The following MACROD2 variants were observed in gnomAD, a reference collection of about 807,000 sequenced individuals.
The protein encoded by MACROD2 is mono-ADP ribosylhydrolase 2.
Under a neutral mutation model 70.4 loss-of-function variants are expected in MACROD2, and 36 were observed. That is an observed-to-expected ratio of 0.51 (90% confidence interval 0.39 to 0.68). The LOEUF is 0.68. Ranked by LOEUF, MACROD2 falls within the 30% of genes least tolerant of loss-of-function variation. MACROD2 has a pLI of 0.00. For synonymous variants in MACROD2, 172 were observed against 178.8 expected, an observed-to-expected ratio of 0.96 and a Z score of 0.30; for missense variants, 496 against 538.4, an observed-to-expected ratio of 0.92 and a Z score of 0.78.
At chr20:15,987,266 G>T in intron 15 of MACROD2, 108 bp downstream of exon 15, 1 of 884,286 alleles carries the variant, frequency 1.1e-6, no homozygotes, top group Non-Finnish European at 1.7e-6. Flanking sequence ...TTGTAAAGGG[G>T]GAAAACGAAC....
At chr20:15,153,088 A>T (rs1568604523) in intron 5 of MACROD2, among the ~76,000 whole-genome samples, 1 of 152,090 alleles carries the variant, frequency 6.6e-6, no homozygotes, top group African/African-American at 2.4e-5. Context: ...TGGAGCAAAG[A>T]GCAGGAGGAC....
intron 5 of MACROD2, among the ~76,000 whole-genome samples, chr20:15,099,143 C>T (rs1051100981): frequency 6.6e-6 from 1 of 152,054 alleles, no homozygotes; most frequent in Non-Finnish European, 1.5e-5. Flanking sequence ...GCTTAGAAGC[C>T]CCAAACATTG....
intron 5 of MACROD2, among the ~76,000 whole-genome samples, chr20:15,219,657 G>A (rs1196195929): frequency 1.3e-5 from 2 of 152,142 alleles, no homozygotes; most frequent in Admixed American, 1.3e-4. Context: ...GAGTGAAGAC[G>A]TAGAGCCTAG....
intron 9 of MACROD2, among the ~76,000 whole-genome samples, chr20:15,870,928 C>T (rs566418895): frequency 3.1e-4 from 47 of 152,146 alleles, no homozygotes; most frequent in African/African-American, 1.1e-3. Context: ...CCTGCAATCC[C>T]AGCACTTTGG....
At chr20:15,752,028 A>G (rs1378661592) in intron 8 of MACROD2, among the ~76,000 whole-genome samples, 1 of 151,986 alleles carries the variant, frequency 6.6e-6, no homozygotes, top group African/African-American at 2.4e-5. Context: ...ACTCGGACTG[A>G]CATCTTTAAC....
chr20:15,197,005 G>A (rs1409849698), intron 5 of MACROD2: 1 of 985,376 alleles, frequency 1.0e-6, no homozygotes, highest in Non-Finnish European at 1.2e-6. Flanking sequence ...CAACACTCAG[G>A]AAGGTCGCAT....
intron 5 of MACROD2, among the ~76,000 whole-genome samples, chr20:15,052,787 GT>G (rs1398409793): frequency 3.3e-5 from 5 of 152,352 alleles, no homozygotes; most frequent in African/African-American, 1.2e-4. Context: ...ATTCGGCTTA[GT>G]GCGGAAGGCA....
chr20:15,966,459 T>TG lies in MACROD2; in HGVS notation c.908-1091dup, dbSNP rs1490298676. 9.8e-5 allele frequency among the ~76,000 whole-genome samples: 15 copies of TG among 152,304 alleles called. No homozygotes were observed. The East Asian group carries it at 2.1e-3, about 22-fold the overall frequency. On this transcript the variant is annotated intron_variant, in intron 12 of 17. Coordinates refer to ENST00000684519, the MANE Select transcript of MACROD2 (RefSeq NM_001351661.2). ...GCTCCCCAACATCAAGTACAGTGTC[T>TG]GGGCAGGTGTGATGGCTCACACCTA...
intron 4 of MACROD2, 194 bp downstream of exon 4, chr20:14,493,702 G>A (rs2084819674): frequency 4.7e-6 from 2 of 425,066 alleles, no homozygotes; most frequent in Admixed American, 5.0e-5. Context: ...AATTGACTTC[G>A]AGATATATAC....
chr20:14,611,922 GTA>G (rs1352721166), intron 4 of MACROD2, among the ~76,000 whole-genome samples: 2 of 152,034 alleles, frequency 1.3e-5, no homozygotes, highest in African/African-American at 4.8e-5. Flanking sequence ...GATTATTCAG[GTA>G]CTCATCTAAC....
intron 8 of MACROD2, among the ~76,000 whole-genome samples, chr20:15,645,162 T>C (rs555687216): frequency 2.6e-5 from 4 of 152,330 alleles, no homozygotes; most frequent in African/African-American, 9.6e-5. Context: ...TGTCTTATTT[T>C]ACCTGAACCA....
chr20:15,687,804 G>A (rs1428900276), intron 8 of MACROD2, among the ~76,000 whole-genome samples: 1 of 152,192 alleles, frequency 6.6e-6, no homozygotes, highest in Non-Finnish European at 1.5e-5. Context: ...TGCAAGTGTG[G>A]GGAGCAGGGT....
chr20:14,556,754 T>G (rs1358787979), intron 4 of MACROD2, among the ~76,000 whole-genome samples: 1 of 151,952 alleles, frequency 6.6e-6, no homozygotes, highest in Non-Finnish European at 1.5e-5. Context: ...AAGATAGAAA[T>G]TTTTAATATG....
At chr20:14,569,241 A>G (rs1199990812) in intron 4 of MACROD2, among the ~76,000 whole-genome samples, 1 of 152,160 alleles carries the variant, frequency 6.6e-6, no homozygotes, top group Middle Eastern at 3.4e-3. Flanking sequence ...ACAAAATAGC[A>G]TACAGGGAAA....
At chr20:14,050,468 C>T (rs1345541721) in intron 2 of MACROD2, among the ~76,000 whole-genome samples, 1 of 152,160 alleles carries the variant, frequency 6.6e-6, no homozygotes, top group African/African-American at 2.4e-5. Context: ...CTGAAATCTG[C>T]TCTCCCATTC....
At chr20:14,519,998 G>A (rs144260009) in intron 4 of MACROD2, among the ~76,000 whole-genome samples, 28 of 152,216 alleles carry the variant, frequency 1.8e-4, no homozygotes, top group Non-Finnish European at 3.1e-4. Context: ...TCACCTATAA[G>A]TGGGAGCTAA....
At chr20:15,923,117 T>TCTA (rs2065435973) in intron 10 of MACROD2, among the ~76,000 whole-genome samples, 1 of 152,200 alleles carries the variant, frequency 6.6e-6, no homozygotes, top group South Asian at 2.1e-4. Flanking sequence ...CAGCATACTT[T>TCTA]CTACTTTTAC....
intron 8 of MACROD2, among the ~76,000 whole-genome samples, chr20:15,706,912 G>A (rs1226417247): frequency 6.6e-6 from 1 of 152,100 alleles, no homozygotes; most frequent in African/African-American, 2.4e-5. Context: ...GTGATTCATG[G>A]GCCCTGATGT....
In MACROD2 at chr20:15,869,238, TAGAG is replaced by T. The variant is rs1555788820; in HGVS notation, c.727+6439_727+6442del. ...ATATATATATATATATATATATATA[TAGAG>T]AGAGAGAGAGAGAGAGAGAGAGAGA... On this transcript the variant is annotated intron_variant, in intron 9 of 17. Transcript: ENST00000684519. Among the ~76,000 whole-genome samples, 107 of 28,302 alleles carry T rather than the reference TAGAG, an allele frequency of 3.8e-3. 2 individuals are homozygous for T. Among genetic ancestry groups the T allele is most frequent in the African/African-American group, 8.5e-3 (86 of 10,102 alleles). 18.6% of individuals were successfully genotyped at this position (28,302 alleles called of 152,430 possible). A position where few individuals can be genotyped will look rare whatever the true frequency, so the allele number is the denominator to read the frequency against.
Sources: allele counts gnomAD v4.1 joint callset (sites outside exome capture counted in the v4.1 genomes callset), GRCh38; gene constraint gnomAD v4.1.1; transcripts MANE v1.5; gene names NCBI Gene and HGNC (gene_info 2026-07-23, HGNC 2026-07-21).